The following FBXW7 variants were observed in gnomAD, a reference collection of about 807,000 sequenced individuals.
FBXW7 encodes F-box/WD repeat-containing protein 7.
A neutral mutation model predicts 86.3 loss-of-function variants in FBXW7; 11 were observed. The ratio of observed to expected loss-of-function variants is 0.13; its 90% CI spans 0.08 to 0.21. The LOEUF is 0.21. Ranked by LOEUF, FBXW7 falls within the 10% of genes least tolerant of loss-of-function variation. The pLI, the probability that FBXW7 is intolerant of heterozygous loss-of-function variation, is 1.00. For missense variants in FBXW7, 488 were observed against 847.4 expected (o/e 0.58, Z 5.27); for synonymous variants, 313 against 297.9 (o/e 1.05, Z -0.52).
chr4:152,456,360 T>TAAA (rs58250889), intron 2 of FBXW7, among the ~76,000 whole-genome samples: 29 of 72,144 alleles, frequency 4.0e-4, no homozygotes, highest in South Asian at 6.2e-4. Flanking sequence ...AAAAAATCCT[T>TAAA]AAAAAAAAAA....
intron 2 of FBXW7, among the ~76,000 whole-genome samples, chr4:152,459,163 T>C (rs1742705356): frequency 6.6e-6 from 1 of 152,192 alleles, no homozygotes; most frequent in Non-Finnish European, 1.5e-5. Context: ...TGGTTCAGAC[T>C]ATAACTGCAG....
intron 4 of FBXW7, among the ~76,000 whole-genome samples, chr4:152,353,539 TA>T (rs1412616133): frequency 6.6e-6 from 1 of 152,172 alleles, no homozygotes; most frequent in Non-Finnish European, 1.5e-5. Context: ...CCTAAGTGTG[TA>T]AAGTTTGGCC....
intron 4 of FBXW7, among the ~76,000 whole-genome samples, chr4:152,387,004 G>C (rs1311661343): frequency 6.6e-6 from 1 of 152,118 alleles, no homozygotes; most frequent in East Asian, 1.9e-4. Context: ...CAAAAGGCTA[G>C]AAATTTAACT....
chr4:152,527,080 T>C (rs1469250748), intron 2 of FBXW7, among the ~76,000 whole-genome samples: 1 of 152,242 alleles, frequency 6.6e-6, no homozygotes, highest in Non-Finnish European at 1.5e-5. Context: ...TCAAATGCTA[T>C]ATGCCAGGCA....
intron 4 of FBXW7, among the ~76,000 whole-genome samples, chr4:152,351,141 T>C (rs1449419110): frequency 1.3e-5 from 2 of 152,108 alleles, no homozygotes; most frequent in African/African-American, 2.4e-5. Flanking sequence ...CTCATGTTTA[T>C]AAGTAGGTAA....
chr4:152,398,333 T>TA (rs201979300), intron 4 of FBXW7, among the ~76,000 whole-genome samples: 2,350 of 146,882 alleles, frequency 0.016, 27 homozygotes, highest in Middle Eastern at 0.038. Flanking sequence ...TGTTTCACAG[T>TA]AAAAAAAAAA....
intron 4 of FBXW7, among the ~76,000 whole-genome samples, chr4:152,406,330 C>A (rs1363178018): frequency 2.6e-5 from 4 of 151,838 alleles, no homozygotes; most frequent in African/African-American, 9.7e-5. Context: ...GCACGGTGGT[C>A]CACGCCTGTA....
At chr4:152,417,862 A>C (rs1412226228) in intron 2 of FBXW7, among the ~76,000 whole-genome samples, 1 of 152,038 alleles carries the variant, frequency 6.6e-6, no homozygotes, top group Non-Finnish European at 1.5e-5. Context: ...CCAGCAAGCT[A>C]CCAAGCAGGG....
intron 4 of FBXW7, among the ~76,000 whole-genome samples, chr4:152,386,488 C>G (rs1735539285): frequency 6.6e-6 from 1 of 152,014 alleles, no homozygotes; most frequent in Non-Finnish European, 1.5e-5. Context: ...AATCAAAAAT[C>G]ACATAGAGCT....
At chr4:152,403,411 G>A (rs1277079145) in intron 4 of FBXW7, among the ~76,000 whole-genome samples, 1 of 151,680 alleles carries the variant, frequency 6.6e-6, no homozygotes, top group Non-Finnish European at 1.5e-5. Flanking sequence ...CTGGGAGGTG[G>A]AGGCTGCAGT....
intron 2 of FBXW7, among the ~76,000 whole-genome samples, chr4:152,529,816 T>C (rs1421370514): frequency 6.6e-6 from 1 of 151,780 alleles, no homozygotes; most frequent in African/African-American, 2.4e-5. Flanking sequence ...ACCTGGTGGG[T>C]GCTAAAACAC....
At chr4:152,405,328 G>A (rs1176943932) in intron 4 of FBXW7, among the ~76,000 whole-genome samples, 1 of 152,042 alleles carries the variant, frequency 6.6e-6, no homozygotes, top group African/African-American at 2.4e-5. Context: ...AAAGGAATTC[G>A]ATTTTCTAAA....
intron 2 of FBXW7, among the ~76,000 whole-genome samples, chr4:152,425,690 T>C (rs1254024122): frequency 6.6e-6 from 1 of 151,414 alleles, no homozygotes; most frequent in East Asian, 1.9e-4. Context: ...CAAAGGACCC[T>C]GGGAGCTAAG....
At chr4:152,326,352 T>C in intron 11 of FBXW7, 121 bp from the exon 12 acceptor site, 6 of 665,676 alleles carry the variant, frequency 9.0e-6, no homozygotes, top group Non-Finnish European at 1.2e-5. Flanking sequence ...TTTTTTTTTT[T>C]ACACAGCAAC....
intron 4 of FBXW7, among the ~76,000 whole-genome samples, chr4:152,397,900 C>T (rs895507315): frequency 4.0e-5 from 6 of 151,802 alleles, no homozygotes; most frequent in Non-Finnish European, 7.4e-5. Flanking sequence ...GAGCAAATAA[C>T]AATGAGAGGC....
At chr4:152,358,621 CA>C (rs1217269066) in intron 4 of FBXW7, among the ~76,000 whole-genome samples, 1 of 151,964 alleles carries the variant, frequency 6.6e-6, no homozygotes, top group African/African-American at 2.4e-5. Context: ...GGAATGAACA[CA>C]AGCAATGGAA....
intron 2 of FBXW7, among the ~76,000 whole-genome samples, chr4:152,471,045 CATACTAGAAATTATA>C (rs1174225867): frequency 6.6e-6 from 1 of 151,868 alleles, no homozygotes; most frequent in East Asian, 1.9e-4. Flanking sequence ...AAAATGTTGC[CATACTAGAAATTATA>C]ATATCACATA....
intron 4 of FBXW7, among the ~76,000 whole-genome samples, chr4:152,375,260 T>C (rs997362531): frequency 3.3e-5 from 5 of 151,452 alleles, no homozygotes; most frequent in Admixed American, 6.6e-5. Flanking sequence ...TTGGGAGAGG[T>C]TGTCACTTAT....
chr4:152,358,519 A>AG (rs1732618047), intron 4 of FBXW7, among the ~76,000 whole-genome samples: 1 of 152,132 alleles, frequency 6.6e-6, no homozygotes, highest in African/African-American at 2.4e-5. Context: ...ACTAAAAAAA[A>AG]AAAAAAGGTA....
Sources: allele counts gnomAD v4.1 joint callset (sites outside exome capture counted in the v4.1 genomes callset), GRCh38; gene constraint gnomAD v4.1.1; transcripts MANE v1.5; gene names NCBI Gene and HGNC (gene_info 2026-07-23, HGNC 2026-07-21).